Variants in KAZN observed in about 807,000 individuals in gnomAD.
The protein encoded by KAZN is kazrin.
In KAZN, 40 loss-of-function variants were observed where a neutral mutation model predicts 87.4. The observed-to-expected ratio is 0.46, with a 90% CI of 0.36 to 0.60. KAZN has a LOEUF of 0.60. KAZN is among the 20% of genes least tolerant of loss of function. KAZN has a pLI of 0.00. For synonymous variants in KAZN, 466 were observed against 458.3 expected (o/e 1.02, Z -0.22); for missense variants, 898 against 1,073.9 (o/e 0.84, Z 2.29).
intron 2 of KAZN, among the ~76,000 whole-genome samples, chr1:15,016,576 G>A (rs971944022): frequency 8.5e-5 from 13 of 152,146 alleles, no homozygotes; most frequent in Admixed American, 7.2e-4. Context: ...ATGAGCCACC[G>A]TGCCCAGCCT....
chr1:14,577,168 A>G (rs1312732036), intron 2 of KAZN, among the ~76,000 whole-genome samples: 1 of 152,240 alleles, frequency 6.6e-6, no homozygotes, highest in Non-Finnish European at 1.5e-5. Context: ...TTAATCAGTA[A>G]GAATAAAATT....
At chr1:14,113,759 T>C (rs952243180) in intron 1 of KAZN, among the ~76,000 whole-genome samples, 7 of 152,200 alleles carry the variant, frequency 4.6e-5, no homozygotes, top group African/African-American at 1.7e-4. Flanking sequence ...CATTGAGCCT[T>C]CCTGAACTCA....
rs534338065 is a variant in KAZN, at chr1:13,949,685, T to C, written c.91+55929T>C. Among the ~76,000 whole-genome samples, 71 of 152,318 alleles carry C rather than the reference T, an allele frequency of 4.7e-4. No individual in the cohort carries two copies. The Middle Eastern group carries it at 0.01, about 22-fold the overall frequency. ...TCAAAAAGGTCTCCTATTATCCATA[T>C]GAATATACCTTATGATGGAGAAGTA... On this transcript the variant is annotated intron_variant, in intron 1 of 16. Transcript: ENST00000636203.
intron 1 of KAZN, among the ~76,000 whole-genome samples, chr1:14,130,047 C>G (rs1279360244): frequency 6.6e-6 from 1 of 152,110 alleles, no homozygotes; most frequent in African/African-American, 2.4e-5. Context: ...ATTCAGAAAC[C>G]CTAATCAATT....
chr1:14,271,523 A>G (rs571794366), intron 2 of KAZN, among the ~76,000 whole-genome samples: 1 of 152,296 alleles, frequency 6.6e-6, no homozygotes, highest in South Asian at 2.1e-4. Flanking sequence ...CCGGAAATCA[A>G]AATCTCTATT....
At chr1:14,128,449 T>C (rs1424738017) in intron 1 of KAZN, among the ~76,000 whole-genome samples, 1 of 152,148 alleles carries the variant, frequency 6.6e-6, no homozygotes, top group Non-Finnish European at 1.5e-5. Flanking sequence ...AAGTCCAAGA[T>C]CAAGACACTT....
chr1:14,062,984 T>C (rs1012613131), intron 1 of KAZN, among the ~76,000 whole-genome samples: 1 of 152,214 alleles, frequency 6.6e-6, no homozygotes, highest in African/African-American at 2.4e-5. Flanking sequence ...ATAAAATGCT[T>C]GAAAACATGT....
At chr1:14,991,568 C>T (rs1475842143) in intron 2 of KAZN, among the ~76,000 whole-genome samples, 2 of 152,190 alleles carry the variant, frequency 1.3e-5, no homozygotes, top group Non-Finnish European at 2.9e-5. Flanking sequence ...GATGGCCTCA[C>T]CCTCAGAACC....
Position 14,461,314 on chromosome 1 carries a change from G to A in KAZN, c.250-137669G>A, listed in dbSNP as rs972657018. Among the ~76,000 whole-genome samples the A allele has an allele frequency of 3.3e-5, 5 of 152,150 alleles. No homozygotes were observed. In the South Asian group the frequency reaches 1.0e-3, roughly 32 times the overall value. On this transcript the variant is annotated intron_variant, in intron 2 of 16. Transcript: ENST00000636203. Reference sequence around the variant, plus strand: ...ATGTTGTAGGAGGGACCCAGTGAGAGATGATTGAATCATGGGGGGCAGTTC... The same window carrying A: ...ATGTTGTAGGAGGGACCCAGTGAGAAATGATTGAATCATGGGGGGCAGTTC...
chr1:14,001,920 C>T (rs188599121), intron 1 of KAZN, among the ~76,000 whole-genome samples: 1 of 152,272 alleles, frequency 6.6e-6, no homozygotes, highest in East Asian at 1.9e-4. Context: ...CTAGACAGTA[C>T]CATTCAGGAC....
At chr1:14,456,976 A>G (rs1240120042) in intron 2 of KAZN, among the ~76,000 whole-genome samples, 1 of 152,180 alleles carries the variant, frequency 6.6e-6, no homozygotes, top group Non-Finnish European at 1.5e-5. Flanking sequence ...GCTACTTGGG[A>G]GGCTAGGGCA....
chr1:14,402,018 GAAAT>G (rs1317156736), intron 2 of KAZN, among the ~76,000 whole-genome samples: 2 of 150,558 alleles, frequency 1.3e-5, no homozygotes, highest in African/African-American at 4.9e-5. Context: ...ACAAGTAAAA[GAAAT>G]AGATAGGCAT....
At chr1:15,101,836 T>C in intron 11 of KAZN, 62 bp downstream of exon 11, 1 of 1,108,182 alleles carries the variant, frequency 9.0e-7, no homozygotes, top group Non-Finnish European at 1.3e-6. Flanking sequence ...TCTTGGCATC[T>C]ACTGTCTGTT....
At chr1:14,999,494 G>GC (rs1425034118) in intron 2 of KAZN, among the ~76,000 whole-genome samples, 5 of 132,722 alleles carry the variant, frequency 3.8e-5, no homozygotes, top group African/African-American at 1.8e-4. Context: ...GGCATTGCCT[G>GC]CCCCCCTCCC....
Position 14,769,390 on chromosome 1 carries a change from C to T in KAZN, c.226+170167C>T, listed in dbSNP as rs902033528. ...TTTTCTTGAGACGGAGTCGTGCTCT[C>T]GTTGCCCAGGCTGGAGTGCGACGGC... On this transcript the variant is annotated intron_variant, in intron 1 of 14. Coordinates refer to ENST00000376030, the MANE Select transcript of KAZN (RefSeq NM_201628.3). This position sits in a 1 kb window ranked among gnomAD's most constrained non-coding sequence, Gnocchi z 4.1. Among the ~76,000 whole-genome samples the T allele has an allele frequency of 1.3e-5, 2 of 152,096 alleles. No individual in the cohort carries two copies. The highest frequency in any genetic ancestry group is 2.4e-5 in the African/African-American group (1 of 41,414).
At chr1:14,924,031 A>C in intron 1 of KAZN, 1 of 757,978 alleles carries the variant, frequency 1.3e-6, no homozygotes, top group Non-Finnish European at 1.5e-6. Context: ...CACTGGGGCC[A>C]GTCTGGGCGC....
At chr1:13,895,837 C>T (rs994340134) in intron 1 of KAZN, among the ~76,000 whole-genome samples, 17 of 152,038 alleles carry the variant, frequency 1.1e-4, no homozygotes, top group Admixed American at 4.6e-4. Context: ...GAGTAAGTTA[C>T]GGCTCATACT....
chr1:13,998,806 A>G (rs1029866436), intron 1 of KAZN, among the ~76,000 whole-genome samples: 6 of 152,180 alleles, frequency 3.9e-5, no homozygotes, highest in African/African-American at 1.4e-4. Flanking sequence ...AGACAGAATA[A>G]TGAGACAGAA....
At chr1:14,434,147 C>T (rs1666243902) in intron 2 of KAZN, among the ~76,000 whole-genome samples, 1 of 152,172 alleles carries the variant, frequency 6.6e-6, no homozygotes, top group Non-Finnish European at 1.5e-5. Flanking sequence ...CATTGCATTG[C>T]CAGACCCCAC....
Sources: allele counts gnomAD v4.1 joint callset (sites outside exome capture counted in the v4.1 genomes callset), GRCh38; gene constraint gnomAD v4.1.1; non-coding constraint Gnocchi (gnomAD v3.1); transcripts MANE v1.5; gene names NCBI Gene and HGNC (gene_info 2026-07-23, HGNC 2026-07-21).